GCA: variants seen among roughly 807,000 people sequenced by gnomAD.
GCA encodes the protein grancalcin.
A neutral mutation model predicts 32.6 loss-of-function variants in GCA; 30 were observed. The ratio of observed to expected loss-of-function variants is 0.92; its 90% confidence interval spans 0.69 to 1.25. The LOEUF is 1.25. Ranked by LOEUF, GCA falls within the 50% of genes most tolerant of loss-of-function variation. GCA has a pLI of 0.00. For synonymous variants in GCA, 102 were observed against 84.6 expected, an observed-to-expected ratio of 1.21 and a Z score of -1.13; for missense variants, 291 against 266.8, an observed-to-expected ratio of 1.09 and a Z score of -0.63.
chr2:162,346,127 T>A (rs1400957430), intron 1 of GCA, among the ~76,000 whole-genome samples: 1 of 152,218 alleles, frequency 6.6e-6, no homozygotes, highest in East Asian at 1.9e-4. Context: ...TGTTTCTCAC[T>A]TTGGTCACAG....
At chr2:162,346,625 AG>A (rs1279688248) in intron 1 of GCA, 1 of 152,222 alleles carries the variant, frequency 6.6e-6, no homozygotes, top group Non-Finnish European at 1.5e-5. Context: ...GCCATGTGAA[AG>A]GGCCCATGTG....
At chr2:162,324,330 G>A (rs532034638) in intron 1 of GCA, among the ~76,000 whole-genome samples, 1 of 152,136 alleles carries the variant, frequency 6.6e-6, no homozygotes, top group Non-Finnish European at 1.5e-5. Context: ...AGTGGAGGTA[G>A]CTCAGGGGAA....
intron 1 of GCA, among the ~76,000 whole-genome samples, chr2:162,331,389 G>GT (rs199906887): frequency 0.055 from 8,382 of 152,252 alleles, 786 homozygotes; most frequent in African/African-American, 0.19. Flanking sequence ...CCCATGAATA[G>GT]TGAGTATCAA....
chr2:162,340,540 T>C (rs916985404), upstream of GCA, among the ~76,000 whole-genome samples: 1 of 152,226 alleles, frequency 6.6e-6, no homozygotes. Flanking sequence ...CTTCTGTCTG[T>C]TGTCAACAGC....
chr2:162,320,651 T>G (rs546483493), intron 1 of GCA, among the ~76,000 whole-genome samples: 23 of 152,348 alleles, frequency 1.5e-4, no homozygotes, highest in African/African-American at 5.3e-4. Context: ...GATATTTAAA[T>G]ATTTGGCATT....
rs189961273 is a variant in GCA, at chr2:162,325,182, T to C, written c.-31+5957T>C. On this transcript the variant is annotated intron_variant, in intron 1 of 4. Coordinates refer to the GCA transcript ENST00000429691. ...ACCTCTTATGGGAGCAGTTAAACTT[T>C]AGAAGGGAGGTAACTGTTGTTGCCA... is the stretch of plus-strand genomic sequence containing the variant. Among the ~76,000 whole-genome samples, 680 of 152,324 alleles carry C rather than the reference T, an allele frequency of 4.5e-3. 8 individuals carry two copies. Among genetic ancestry groups the C allele is most frequent in the African/African-American group, 0.015 (644 of 41,564 alleles).
At chr2:162,369,369 T>G (rs1197318796) in intron 4 of GCA, among the ~76,000 whole-genome samples, 1 of 152,124 alleles carries the variant, frequency 6.6e-6, no homozygotes. Context: ...GCTAATATCC[T>G]GTAGGAAGGG....
rs149101611 is a variant in GCA at position 162,359,468 on chromosome 2, TA to T, written c.569-20del. 1.0e-3 allele frequency: 1,236 copies of T among 1,217,328 alleles called. 17 individuals carry two copies. In the African/African-American group the frequency reaches 0.016, roughly 16 times the overall value. 75.4% of individuals were successfully genotyped at this position (1,217,328 alleles called of 1,614,324 possible). ...TGAAACTATGTATTTTAAATTACAA[TA>T]AAAAAGTAATTTCTTTGTTTAAAGA... On this transcript the variant is annotated intron_variant, in intron 6 of 7. Coordinates refer to ENST00000437150, the MANE Select transcript of GCA (RefSeq NM_012198.5).
chr2:162,331,208 C>A (rs199784387), intron 1 of GCA, among the ~76,000 whole-genome samples: 1 of 152,190 alleles, frequency 6.6e-6, no homozygotes, highest in African/African-American at 2.4e-5. Flanking sequence ...ACAGCTGCAA[C>A]AAGAAGGCAG....
At chr2:162,337,512 C>CT (rs1684306007) in intron 1 of GCA, among the ~76,000 whole-genome samples, 1 of 152,044 alleles carries the variant, frequency 6.6e-6, no homozygotes, top group African/African-American at 2.4e-5. Flanking sequence ...GTGCCATCTG[C>CT]TTTTTTCTGG....
At chr2:162,343,546 C>A (rs974938716), upstream of GCA, among the ~76,000 whole-genome samples, 2 of 152,194 alleles carry the variant, frequency 1.3e-5, no homozygotes, top group Non-Finnish European at 2.9e-5. Context: ...CAACATGCCA[C>A]AATTCAGGTC....
At chr2:162,347,853 T>G (rs2105315851) in intron 2 of GCA, 111 bp downstream of exon 2, 1 of 553,222 alleles carries the variant, frequency 1.8e-6, no homozygotes, top group East Asian at 3.3e-5. Flanking sequence ...ATTTTATATG[T>G]ATCTAGACTA....
chr2:162,361,253 C>T lies in GCA; in HGVS notation c.*1010C>T, dbSNP rs753628932. 3 of 984,284 alleles carry T rather than the reference C, an allele frequency of 3.0e-6. No homozygotes were observed. The highest frequency in any genetic ancestry group is 3.6e-6 in the Non-Finnish European group (3 of 829,202). 61.0% of individuals were successfully genotyped at this position (984,284 alleles called of 1,614,324 possible). On this transcript the variant is annotated 3_prime_UTR_variant, in exon 8 of 8. Transcript: ENST00000437150. ...GTTTTGAGCATAGTAGGCACCACAG[C>T]AACTTTTCTGCGTGGTACTAAAACT...
At chr2:162,332,675 G>A (rs1373232802) in intron 1 of GCA, among the ~76,000 whole-genome samples, 1 of 152,158 alleles carries the variant, frequency 6.6e-6, no homozygotes, top group Non-Finnish European at 1.5e-5. Flanking sequence ...TGAAAAAACT[G>A]TCTTGCTTAT....
At chr2:162,349,499 A>G (rs545713930) in intron 2 of GCA, among the ~76,000 whole-genome samples, 1 of 152,262 alleles carries the variant, frequency 6.6e-6, no homozygotes, top group Admixed American at 6.5e-5. Flanking sequence ...ACATTTGGGA[A>G]CATCTTTTTA....
chr2:162,371,787 A>G (rs1384556988), downstream of GCA: 3 of 1,554,840 alleles, frequency 1.9e-6, no homozygotes, highest in Non-Finnish European at 8.8e-7. Context: ...AACAGCCATT[A>G]AAAGCACTTA....
At chr2:162,338,364 C>T (rs1204553226) in intron 1 of GCA, among the ~76,000 whole-genome samples, 1 of 152,080 alleles carries the variant, frequency 6.6e-6, no homozygotes, top group Non-Finnish European at 1.5e-5. Context: ...TTTGATGAAA[C>T]GATTTTTAAT....
rs572080951 is a variant in GCA at position 162,356,746 on chromosome 2, T to C, written c.307-12T>C. The stretch of plus-strand genomic sequence containing the variant: ...AGGTATCAGAATTTATTTTTGTTAA[T>C]AAAACTATCAGAGAGATCACACAGG... On this transcript the variant is annotated splice_polypyrimidine_tract_variant and intron_variant, in intron 4 of 7. Transcript: ENST00000437150. 2 of 1,584,268 alleles carry C rather than the reference T, an allele frequency of 1.3e-6. No individual in the cohort carries two copies. Among genetic ancestry groups the C allele is most frequent in the East Asian group, 4.5e-5 (2 of 44,620 alleles).
intron 1 of GCA, among the ~76,000 whole-genome samples, chr2:162,322,162 T>G (rs867451787): frequency 4.7e-5 from 7 of 150,284 alleles, no homozygotes; most frequent in African/African-American, 1.7e-4. Context: ...TTTCACCAAT[T>G]CAATTAAAAT....
Sources: gnomAD v4.1 joint callset for allele counts (sites outside exome capture counted in the v4.1 genomes callset) on GRCh38, gnomAD v4.1.1 for gene constraint, MANE v1.5 for transcripts, NCBI Gene and HGNC (gene_info 2026-07-23, HGNC 2026-07-21) for gene names.